Variants in RORA observed in about 807,000 individuals in gnomAD.
RORA encodes nuclear receptor ROR-alpha.
RORA carries 7 observed loss-of-function variants against 69.5 expected under a neutral mutation model. The observed-to-expected ratio is 0.10, with a 90% CI of 0.06 to 0.19. The LOEUF is 0.19. Ranked by LOEUF, RORA falls within the 10% of genes least tolerant of loss-of-function variation. The probability of loss-of-function intolerance (pLI) is 1.00; values close to 1 mark genes in which losing one functional copy is unlikely to be tolerated. For missense variants in RORA, 457 were observed against 663.0 expected (o/e 0.69, Z 3.41); for synonymous variants, 261 against 240.8 (o/e 1.08, Z -0.78).
chr15:60,497,660 G>C, intron 10 of RORA, 41 bp from the exon 11 acceptor site: 1 of 1,519,428 alleles, frequency 6.6e-7, no homozygotes, highest in Non-Finnish European at 9.1e-7. Context: ...GCAAGAACAG[G>C]CATAAGCATC....
intron 1 of RORA, among the ~76,000 whole-genome samples, chr15:61,042,398 C>T (rs201130131): frequency 6.7e-6 from 1 of 148,930 alleles, no homozygotes; most frequent in South Asian, 2.2e-4. Context: ...CACACACATA[C>T]ACACAAACAC....
At chr15:60,567,416 A>ATTATTT (rs1555432151) in intron 2 of RORA, among the ~76,000 whole-genome samples, 7 of 142,784 alleles carry the variant, frequency 4.9e-5, no homozygotes, top group Admixed American at 1.4e-4. Context: ...TATTATTATT[A>ATTATTT]TTTTTTTTTT....
chr15:61,221,104 A>G (rs1195713967), intron 1 of RORA, among the ~76,000 whole-genome samples: 1 of 152,196 alleles, frequency 6.6e-6, no homozygotes, highest in Non-Finnish European at 1.5e-5. Flanking sequence ...AGAGATTGTA[A>G]AGTCACCTTC....
chr15:60,511,401 G>A lies in RORA; in HGVS notation c.645C>T (p.Asp215=), dbSNP rs1416376979. Residue 215 remains aspartate (D), a synonymous_variant, in exon 5 of 11, where the codon GAC becomes GAT. Transcript: ENST00000335670. This position sits in a 1 kb window ranked among gnomAD's most constrained non-coding sequence, Gnocchi z 6.4. The part of the protein sequence containing the change: ...DGHTPEGSKA[D]SAVSSFYLDI... ...CCAGGTAGAAGCTGCTGACGGCGGA[G>A]TCTGCCTTACTCCCCTCAGGGGTGT... 3.7e-6 allele frequency: 6 copies of A among 1,614,064 alleles called. No individual in the cohort carries two copies. Among genetic ancestry groups the A allele is most frequent in the Non-Finnish European group, 4.2e-6 (5 of 1,180,046 alleles).
intron 1 of RORA, among the ~76,000 whole-genome samples, chr15:61,177,512 G>A (rs961951751): frequency 2.6e-5 from 4 of 152,236 alleles, no homozygotes; most frequent in South Asian, 2.1e-4. Context: ...TGAAAAATAC[G>A]GCTGTCAGCA....
intron 4 of RORA, among the ~76,000 whole-genome samples, chr15:60,513,736 G>A (rs2065776761): frequency 6.6e-6 from 1 of 152,210 alleles, no homozygotes; most frequent in East Asian, 1.9e-4. Context: ...GTGAACTCGT[G>A]CCTATGTAGA....
chr15:60,984,693 G>A (rs1403173187), intron 1 of RORA, among the ~76,000 whole-genome samples: 1 of 152,004 alleles, frequency 6.6e-6, no homozygotes, highest in Non-Finnish European at 1.5e-5. Context: ...ATTGAGAGTA[G>A]TGTTTAGAAA....
chr15:60,612,485 C>T (rs924525623), intron 2 of RORA, among the ~76,000 whole-genome samples: 5 of 152,100 alleles, frequency 3.3e-5, no homozygotes, highest in South Asian at 2.1e-4. Context: ...CCTCCTTTAG[C>T]GAACAATTCC....
intron 1 of RORA, among the ~76,000 whole-genome samples, chr15:61,008,204 TGTGTG>T (rs1566941692): frequency 3.2e-3 from 45 of 14,232 alleles, no homozygotes; most frequent in African/African-American, 5.0e-3. Context: ...TCTCTCTCTC[TGTGTG>T]TGTGTGTGTG....
At chr15:61,228,388 G>A (rs2080168089) in intron 1 of RORA, among the ~76,000 whole-genome samples, 1 of 151,856 alleles carries the variant, frequency 6.6e-6, no homozygotes, top group African/African-American at 2.4e-5. Context: ...CGAACAGCTC[G>A]CCCGCCCGCA....
rs141421043 is a variant in RORA, at chr15:60,558,267, A to G, written c.197-26416T>C. 3 of 1,612,522 alleles carry G rather than the reference A, an allele frequency of 1.9e-6. No individual in the cohort carries two copies. In the African/African-American group the frequency reaches 4.0e-5, roughly 22 times the overall value. ...CAAAAGCATCACCTGAAGACAGGATACACTGATGGAGTATTTGGAGAATCC... is the reference window on the plus strand; with the variant it reads ...CAAAAGCATCACCTGAAGACAGGATGCACTGATGGAGTATTTGGAGAATCC... On this transcript the variant is annotated intron_variant, in intron 2 of 10. Transcript: ENST00000335670.
intron 1 of RORA, among the ~76,000 whole-genome samples, chr15:60,814,541 C>G (rs1001290856): frequency 6.6e-6 from 1 of 151,934 alleles, no homozygotes; most frequent in African/African-American, 2.4e-5. Flanking sequence ...CCAACATAGT[C>G]CCCGGGATAT....
intron 1 of RORA, among the ~76,000 whole-genome samples, chr15:60,965,943 G>C (rs1315112081): frequency 1.3e-5 from 2 of 152,144 alleles, no homozygotes; most frequent in African/African-American, 4.8e-5. Context: ...CCGTAATAGA[G>C]TATGGCAGCC....
chr15:60,711,916 C>A (rs956681080), intron 1 of RORA, among the ~76,000 whole-genome samples: 3 of 152,136 alleles, frequency 2.0e-5, no homozygotes, highest in Admixed American at 1.3e-4. Context: ...CCACAGTCAC[C>A]CTCAAGATGT....
intron 2 of RORA, among the ~76,000 whole-genome samples, chr15:60,667,599 A>C (rs943142492): frequency 2.2e-4 from 33 of 151,972 alleles, no homozygotes; most frequent in African/African-American, 8.0e-4. Context: ...GGTAGCAGAG[A>C]GTATAGTTCG....
chr15:60,648,880 G>C (rs1186520005), intron 2 of RORA, among the ~76,000 whole-genome samples: 1 of 152,116 alleles, frequency 6.6e-6, no homozygotes, highest in East Asian at 1.9e-4. Context: ...GGTAAAGCAG[G>C]GCCAGGTAAT....
At chr15:60,653,889 C>A (rs1355033628) in intron 2 of RORA, among the ~76,000 whole-genome samples, 7 of 151,994 alleles carry the variant, frequency 4.6e-5, no homozygotes, top group African/African-American at 9.7e-5. Context: ...TTTCAGATAC[C>A]CTAGGGTATC....
chr15:60,936,068 A>C (rs555755423), intron 1 of RORA, among the ~76,000 whole-genome samples: 1 of 152,334 alleles, frequency 6.6e-6, no homozygotes, highest in African/African-American at 2.4e-5. Context: ...TCATCATGGT[A>C]ATATTACCCA....
intron 2 of RORA, among the ~76,000 whole-genome samples, chr15:60,541,270 A>G (rs2066863233): frequency 6.6e-6 from 1 of 152,166 alleles, no homozygotes; most frequent in Non-Finnish European, 1.5e-5. Flanking sequence ...GGCAAGTTCT[A>G]AGCCTTTCAA....
Sources: gnomAD v4.1 joint callset for allele counts (sites outside exome capture counted in the v4.1 genomes callset) on GRCh38, gnomAD v4.1.1 for gene constraint, Gnocchi (gnomAD v3.1) non-coding constraint, MANE v1.5 for transcripts, NCBI Gene and HGNC (gene_info 2026-07-23, HGNC 2026-07-21) for gene names.